The following MTCL1 variants were observed in gnomAD, a reference collection of about 807,000 sequenced individuals.
The protein encoded by MTCL1 is microtubule crosslinking factor 1.
MTCL1 carries 79 observed loss-of-function variants against 141.4 expected under a neutral mutation model. That is an observed-to-expected ratio of 0.56 (90% CI 0.47 to 0.67). MTCL1 has a LOEUF of 0.67. MTCL1 is among the 30% of genes least tolerant of loss of function. The pLI is 0.00. For synonymous variants in MTCL1, 914 were observed against 875.8 expected, an observed-to-expected ratio of 1.04 and a Z score of -0.77; for missense variants, 2,177 against 2,113.9, an observed-to-expected ratio of 1.03 and a Z score of -0.59.
Position 8,828,379 on chromosome 18 carries a change from G to A in MTCL1, c.4723-529G>A, listed in dbSNP as rs566916295. On this transcript the variant is annotated intron_variant, in intron 15 of 16. Coordinates refer to ENST00000359865, the Ensembl canonical transcript of MTCL1. The surrounding 1 kb of genome is among the most constrained non-coding windows in gnomAD (Gnocchi z 5.2). ...TAGTTCAGCAGTGCAGAGAGAAGCC[G>A]TGAGGAGTTCCGGTGTGAAGAGAAA... Among the ~76,000 whole-genome samples, 4 of 152,278 alleles carry A rather than the reference G, an allele frequency of 2.6e-5. No homozygotes were observed. Among genetic ancestry groups the A allele is most frequent in the East Asian group, 1.9e-4 (1 of 5,186 alleles).
chr18:8,777,466 T>C (rs887805009), intron 4 of MTCL1, among the ~76,000 whole-genome samples: 3 of 152,204 alleles, frequency 2.0e-5, no homozygotes, highest in East Asian at 3.8e-4. Context: ...TCCAGAAATA[T>C]GAGTTATCTG....
rs200801056 is a variant in MTCL1, at chr18:8,811,519, T to TTACA, written c.2605-1458_2605-1457insCATA. ...ACTGGGTGGTTTAAGTCATTAATCT[T>TTACA]TATATATATATACATATATATATCT... On this transcript the variant is annotated intron_variant, in intron 11 of 16. Coordinates refer to ENST00000359865, the Ensembl canonical transcript of MTCL1. Among the ~76,000 whole-genome samples the TTACA allele has an allele frequency of 4.0e-3, 596 of 149,624 alleles. 25 individuals carry two copies. In the East Asian group the frequency reaches 0.1, roughly 25 times the overall value.
intron 8 of MTCL1, among the ~76,000 whole-genome samples, chr18:8,794,748 G>A (rs896045305): frequency 2.6e-5 from 4 of 152,172 alleles, no homozygotes; most frequent in Non-Finnish European, 5.9e-5. Flanking sequence ...TTAGATTATA[G>A]GTGAACTCTG....
intron 16 of MTCL1, chr18:8,829,613 T>G (rs1047099200): frequency 1.0e-6 from 1 of 985,224 alleles, no homozygotes; most frequent in African/African-American, 1.7e-5. Flanking sequence ...TGAGAAAAGA[T>G]ATACTTTTTG....
intron 4 of MTCL1, among the ~76,000 whole-genome samples, chr18:8,764,332 T>A (rs957180392): frequency 2.0e-5 from 3 of 152,116 alleles, no homozygotes; most frequent in African/African-American, 4.8e-5. Context: ...TTTTTTTTTT[T>A]TTGAGACAGA....
chr18:8,804,234 G>A (rs1260880442), intron 10 of MTCL1, among the ~76,000 whole-genome samples: 9 of 150,616 alleles, frequency 6.0e-5, no homozygotes, highest in Admixed American at 6.0e-4. Context: ...TCACTCAACT[G>A]TACTTATATA....
chr18:8,717,606 A>G (rs2096137351), intron 1 of MTCL1, among the ~76,000 whole-genome samples: 1 of 152,150 alleles, frequency 6.6e-6, no homozygotes, highest in African/African-American at 2.4e-5. Flanking sequence ...GGGCCAGCTG[A>G]GCAGTGGGCA....
chr18:8,801,588 GA>G (rs1387301163), intron 10 of MTCL1: 1 of 152,184 alleles, frequency 6.6e-6, no homozygotes, highest in African/African-American at 2.4e-5. Context: ...GGTGCTTGAT[GA>G]AAGGACTCTC....
intron 16 of MTCL1, chr18:8,829,012 G>C: frequency 6.2e-7 from 1 of 1,613,696 alleles, no homozygotes; most frequent in Non-Finnish European, 8.5e-7. Context: ...AGGTCGTGTT[G>C]TGTAACTCGC....
At chr18:8,788,359 G>A (rs903742393) in intron 7 of MTCL1, among the ~76,000 whole-genome samples, 2 of 152,182 alleles carry the variant, frequency 1.3e-5, no homozygotes, top group African/African-American at 4.8e-5. Context: ...TCAGGGGTGT[G>A]GGAGGGGGCC....
At chr18:8,730,451 T>G (rs1010874367) in intron 4 of MTCL1, among the ~76,000 whole-genome samples, 4 of 152,234 alleles carry the variant, frequency 2.6e-5, no homozygotes, top group Non-Finnish European at 4.4e-5. Context: ...TTCTGATTCT[T>G]TATATCATTA....
intron 7 of MTCL1, chr18:8,786,782 G>T (rs1258710922): frequency 9.8e-6 from 2 of 204,616 alleles, no homozygotes; most frequent in African/African-American, 2.2e-5. Flanking sequence ...TCCAAATGCT[G>T]TGTCAGTGTA....
chr18:8,806,790 G>A, intron 10 of MTCL1, 103 bp from the exon 10 acceptor site: 1 of 1,236,306 alleles, frequency 8.1e-7, no homozygotes, highest in South Asian at 1.4e-5. Flanking sequence ...AACAACACCT[G>A]GGAAACAGCC....
chr18:8,716,838 T>C (rs956207453), upstream of MTCL1, among the ~76,000 whole-genome samples: 1 of 152,172 alleles, frequency 6.6e-6, no homozygotes, highest in Non-Finnish European at 1.5e-5. Context: ...CTATCAATTA[T>C]GAAACTAGTC....
intron 10 of MTCL1, among the ~76,000 whole-genome samples, chr18:8,804,045 G>T (rs1423094248): frequency 6.6e-6 from 1 of 151,952 alleles, no homozygotes; most frequent in African/African-American, 2.4e-5. Flanking sequence ...CCAAAATCTG[G>T]ATCAAAATTA....
chr18:8,794,365 T>A (rs769748475), intron 8 of MTCL1, among the ~76,000 whole-genome samples: 4 of 152,050 alleles, frequency 2.6e-5, no homozygotes, highest in African/African-American at 4.8e-5. Context: ...TCCCCCAAGG[T>A]ACCCAGGGGG....
upstream of MTCL1, among the ~76,000 whole-genome samples, chr18:8,712,382 C>T (rs2148769499): frequency 6.6e-6 from 1 of 152,292 alleles, no homozygotes; most frequent in East Asian, 1.9e-4. Flanking sequence ...GAGTTTCAGG[C>T]CCTGACCTGG....
At chr18:8,737,839 C>T (rs1434956120) in intron 4 of MTCL1, among the ~76,000 whole-genome samples, 1 of 152,110 alleles carries the variant, frequency 6.6e-6, no homozygotes, top group Non-Finnish European at 1.5e-5. Flanking sequence ...CCATCTGACC[C>T]ATGACTCCAG....
intron 7 of MTCL1, 22 bp downstream of exon 6, chr18:8,786,113 C>CCCCG (rs758467142): frequency 7.2e-7 from 1 of 1,383,504 alleles, no homozygotes; most frequent in Non-Finnish European, 9.5e-7. Context: ...CAAGCAATCC[C>CCCCG]CCCCCCCCGC....
Sources: allele counts gnomAD v4.1 joint callset (sites outside exome capture counted in the v4.1 genomes callset), GRCh38; gene constraint gnomAD v4.1.1; non-coding constraint Gnocchi (gnomAD v3.1); transcripts MANE v1.5; gene names NCBI Gene and HGNC (gene_info 2026-07-23, HGNC 2026-07-21).